BANP: variants seen among roughly 807,000 people sequenced by gnomAD.
The protein encoded by BANP is BTG3 associated nuclear protein.
BANP carries 11 observed loss-of-function variants against 68.1 expected under a neutral mutation model. The observed-to-expected ratio is 0.16, with a 90% CI of 0.10 to 0.27. The LOEUF is 0.27. Ranked by LOEUF, BANP falls within the 10% of genes least tolerant of loss-of-function variation. BANP has a pLI of 1.00. For synonymous variants in BANP, 329 were observed against 303.2 expected (o/e 1.09, Z -0.88); for missense variants, 504 against 722.7 (o/e 0.70, Z 3.47).
intron 7 of BANP, among the ~76,000 whole-genome samples, chr16:88,024,113 G>C (rs1476276134): frequency 6.6e-6 from 1 of 152,242 alleles, no homozygotes; most frequent in Non-Finnish European, 1.5e-5. Flanking sequence ...CCCAGAGCAG[G>C]GGCTGCAGGT....
In BANP at chr16:88,006,120, T is replaced by C. The variant is rs758420829; in HGVS notation, c.510T>C (p.Ile170=). ...TGCCTGGGCGTCGGCAGAACACCATTGTGGTGAAGGTGCCGGGCCAAGAAG... is the reference window on the plus strand; with the variant it reads ...TGCCTGGGCGTCGGCAGAACACCATCGTGGTGAAGGTGCCGGGCCAAGAAG... The part of the protein sequence containing the change: ...NAVPGRRQNT[I]VVKVPGQEDS... The change falls in exon 6 of 14, where the codon ATT becomes ATC. Residue 170 remains isoleucine, a synonymous_variant. Coordinates refer to ENST00000682872, the MANE Select transcript of BANP (RefSeq NM_001386991.1). 8.1e-6 allele frequency: 13 copies of C among 1,613,790 alleles called. No individual in the cohort carries two copies. The highest frequency in any genetic ancestry group is 1.7e-5 in the Admixed American group (1 of 60,014).
chr16:88,015,816 G>A (rs1420388597), intron 6 of BANP, among the ~76,000 whole-genome samples: 1 of 152,264 alleles, frequency 6.6e-6, no homozygotes, highest in Non-Finnish European at 1.5e-5. Context: ...TTTACCCGGG[G>A]CTCTGTACCG....
intron 1 of BANP, among the ~76,000 whole-genome samples, chr16:87,963,974 A>G (rs1316351896): frequency 6.6e-6 from 1 of 152,196 alleles, no homozygotes. Flanking sequence ...ATACTTTTGC[A>G]GCTGTCCGTT....
In BANP at chr16:88,047,183, C is replaced by G. The variant is rs1384649907; in HGVS notation, c.1311+9172C>G. Among the ~76,000 whole-genome samples, 3 of 152,182 alleles carry G rather than the reference C, an allele frequency of 2.0e-5. No individual in the cohort carries two copies. The East Asian group carries it at 5.8e-4, about 29-fold the overall frequency. On this transcript the variant is annotated intron_variant, in intron 11 of 13. Transcript: ENST00000682872. ...TGTTTGTGTTGTTTAAAATCCCAAG[C>G]CAGAGCTCCCGGGGCTGCCAGGAGT...
rs376115895 is a variant in BANP at position 88,006,047 on chromosome 16, G to A, written c.480-43G>A. ...GCGCTGACCTTCGCGTGCTGCTTGCGGCTCTTACCACATCGGGCTGGTGTG... is the reference window on the plus strand; with the variant it reads ...GCGCTGACCTTCGCGTGCTGCTTGCAGCTCTTACCACATCGGGCTGGTGTG... On this transcript the variant is annotated intron_variant, in intron 5 of 13. Coordinates refer to ENST00000682872, the MANE Select transcript of BANP (RefSeq NM_001386991.1). The A allele has an allele frequency of 1.1e-5, 17 of 1,612,420 alleles. No homozygotes were observed. In the East Asian group the frequency reaches 1.1e-4, roughly 11 times the overall value.
At position 88,003,735 on chromosome 16, in the gene BANP, T is replaced by C; in HGVS notation, c.363-560T>C. 1 of 336,196 alleles carries C rather than the reference T, an allele frequency of 3.0e-6. No individual in the cohort carries two copies. Among genetic ancestry groups the C allele is most frequent in the Admixed American group, 4.2e-5 (1 of 24,024 alleles). The allele number at this position is 336,196 out of a possible 1,614,324, so 20.8% of individuals were successfully genotyped here. A position where few individuals can be genotyped will look rare whatever the true frequency, so the allele number is the denominator to read the frequency against. On this transcript the variant is annotated intron_variant, in intron 4 of 13. Coordinates refer to ENST00000682872, the MANE Select transcript of BANP (RefSeq NM_001386991.1). The surrounding 1 kb of genome is among the most constrained non-coding windows in gnomAD (Gnocchi z 6.1). ...GCCCTTTGGTTGTAGCTCACACATGTTCCTGCAGGACCTGGAGGCAGCATG... is the reference window on the plus strand; with the variant it reads ...GCCCTTTGGTTGTAGCTCACACATGCTCCTGCAGGACCTGGAGGCAGCATG...
At chr16:88,019,897 C>T (rs1484243417) in intron 7 of BANP, among the ~76,000 whole-genome samples, 1 of 152,148 alleles carries the variant, frequency 6.6e-6, no homozygotes, top group Non-Finnish European at 1.5e-5. Flanking sequence ...GTGCTGACTG[C>T]AGGTTTTTCT....
rs539351262 is a variant in BANP at position 87,990,908 on chromosome 16, G to A, written c.362+6649G>A. Among the ~76,000 whole-genome samples, 8 of 152,270 alleles carry A rather than the reference G, an allele frequency of 5.3e-5. No individual in the cohort carries two copies. The South Asian group carries it at 1.0e-3, about 20-fold the overall frequency. On this transcript the variant is annotated intron_variant, in intron 4 of 13. Transcript: ENST00000682872. The stretch of plus-strand genomic sequence containing the variant: ...CTCCCCACTAGCTGGGACTACAGGC[G>A]CCCGTCACCATGCCTGGCTAATTTT...
intron 9 of BANP, among the ~76,000 whole-genome samples, chr16:88,033,914 CT>C (rs2078745350): frequency 1.3e-5 from 2 of 152,092 alleles, no homozygotes; most frequent in South Asian, 4.1e-4. Context: ...GGAAGGAAGA[CT>C]TTTCTGGAAG....
intron 8 of BANP, among the ~76,000 whole-genome samples, chr16:88,030,446 G>C (rs1042597841): frequency 6.6e-6 from 1 of 152,222 alleles, no homozygotes; most frequent in Non-Finnish European, 1.5e-5. Flanking sequence ...TGTGTTTCGG[G>C]TACGTGCATT....
In BANP at chr16:88,057,315, T is replaced by C. The variant is rs1381345181; in HGVS notation, c.1312-7952T>C. On this transcript the variant is annotated intron_variant, in intron 11 of 13. Coordinates refer to ENST00000682872, the MANE Select transcript of BANP (RefSeq NM_001386991.1). This position sits in a 1 kb window ranked among gnomAD's most constrained non-coding sequence, Gnocchi z 4.6. ...GCAGCTAATGGATGTGTAGACTCTTTTGCCCCAAGAATTATCTTCTGGAAG... is the reference window on the plus strand; with the variant it reads ...GCAGCTAATGGATGTGTAGACTCTTCTGCCCCAAGAATTATCTTCTGGAAG... Among the ~76,000 whole-genome samples, 5 of 152,106 alleles carry C rather than the reference T, an allele frequency of 3.3e-5. No individual in the cohort carries two copies. Among genetic ancestry groups the C allele is most frequent in the Admixed American group, 3.3e-4 (5 of 15,288 alleles).
chr16:88,034,613 G>GCA (rs1567823603), intron 9 of BANP, among the ~76,000 whole-genome samples: 3 of 96,466 alleles, frequency 3.1e-5, no homozygotes, highest in East Asian at 3.2e-4. Context: ...CACACACTGC[G>GCA]TAGCCTCCCA....
At position 88,018,314 on chromosome 16, in the gene BANP, C is replaced by A; in HGVS notation, c.656-114C>A. On this transcript the variant is annotated intron_variant, in intron 6 of 13. Transcript: ENST00000682872. This position sits in a 1 kb window ranked among gnomAD's most constrained non-coding sequence, Gnocchi z 7.7. ...TGCCTCACAAGTTACGAGGGATTTG[C>A]CCAGCCCTGCGTGGAGCATCTTTCC... 7.4e-7 allele frequency: 1 copy of A among 1,350,768 alleles called. No homozygotes were observed. The highest frequency in any genetic ancestry group is 1.0e-6 in the Non-Finnish European group (1 of 989,090). 83.7% of individuals were successfully genotyped at this position (1,350,768 alleles called of 1,614,324 possible). A position where few individuals can be genotyped will look rare whatever the true frequency, so the allele number is the denominator to read the frequency against.
In BANP at chr16:88,064,616, G is replaced by A. The variant is rs373100321; in HGVS notation, c.1312-651G>A. On this transcript the variant is annotated intron_variant, in intron 11 of 13. Transcript: ENST00000682872. The surrounding 1 kb of genome is among the most constrained non-coding windows in gnomAD (Gnocchi z 4.5). Reference sequence around the variant, plus strand: ...TGTGTGGCACCACGTGGCACTCCCCGAGGAGGCCTGGGGACCCCTCCTGGA... The same window carrying A: ...TGTGTGGCACCACGTGGCACTCCCCAAGGAGGCCTGGGGACCCCTCCTGGA... Among the ~76,000 whole-genome samples, 34 of 152,354 alleles carry A rather than the reference G, an allele frequency of 2.2e-4. 1 individual carries two copies. Among genetic ancestry groups the A allele is most frequent in the East Asian group, 1.9e-3 (10 of 5,176 alleles).
chr16:87,996,407 G>A (rs981644331), intron 4 of BANP, among the ~76,000 whole-genome samples: 7 of 149,976 alleles, frequency 4.7e-5, no homozygotes, highest in Non-Finnish European at 5.9e-5. Flanking sequence ...GCCCTCGTCC[G>A]GGTGCCAGCT....
intron 8 of BANP, among the ~76,000 whole-genome samples, chr16:88,028,109 GC>G (rs1323060742): frequency 6.6e-6 from 1 of 152,248 alleles, no homozygotes; most frequent in Admixed American, 6.5e-5. Flanking sequence ...CTCAGGCATC[GC>G]TGGGGGGATT....
intron 4 of BANP, among the ~76,000 whole-genome samples, chr16:87,992,217 A>G (rs564983472): frequency 1.3e-5 from 2 of 152,300 alleles, no homozygotes; most frequent in Non-Finnish European, 2.9e-5. Context: ...ACCTGACTTC[A>G]TCTACATGTA....
At chr16:88,073,445 C>T (rs573914688) in intron 13 of BANP, among the ~76,000 whole-genome samples, 2 of 152,334 alleles carry the variant, frequency 1.3e-5, no homozygotes, top group South Asian at 4.1e-4. Context: ...CGCAGAGGCG[C>T]GCCCTGTACT....
At chr16:88,046,522 T>TTTTTTAATTTTTTAAAAATG (rs1304707721) in intron 11 of BANP, among the ~76,000 whole-genome samples, 6 of 152,134 alleles carry the variant, frequency 3.9e-5, no homozygotes, top group Non-Finnish European at 8.8e-5. Flanking sequence ...TTTATGTTCT[T>TTTTTTAATTTTTTAAAAATG]TTTTTAATTT....
Sources: gnomAD v4.1 joint callset for allele counts (sites outside exome capture counted in the v4.1 genomes callset) on GRCh38, gnomAD v4.1.1 for gene constraint, Gnocchi (gnomAD v3.1) non-coding constraint, MANE v1.5 for transcripts, NCBI Gene and HGNC (gene_info 2026-07-23, HGNC 2026-07-21) for gene names.